Variants in BTC observed in about 807,000 individuals in gnomAD.
The protein encoded by BTC is betacellulin.
BTC carries 13 observed loss-of-function variants against 18.1 expected under a neutral mutation model. The observed-to-expected ratio is 0.72, with a 90% CI of 0.47 to 1.14. The LOEUF (loss-of-function observed/expected upper bound fraction) is 1.14, where lower values mean the gene tolerates loss of function less well. Ranked by LOEUF, BTC falls within the 50% of genes most tolerant of loss-of-function variation. The pLI is 0.00. For missense variants in BTC, 247 were observed against 224.2 expected, an observed-to-expected ratio of 1.10 and a Z score of -0.65; for synonymous variants, 83 against 79.4, an observed-to-expected ratio of 1.05 and a Z score of -0.24.
chr4:74,772,117 A>G (rs1229906768), intron 1 of BTC, among the ~76,000 whole-genome samples: 1 of 152,178 alleles, frequency 6.6e-6, no homozygotes, highest in East Asian at 1.9e-4. Context: ...AAGTGTAAAA[A>G]CCTATCCATA....
chr4:74,792,481 C>T (rs758218877), intron 1 of BTC, among the ~76,000 whole-genome samples: 2 of 151,970 alleles, frequency 1.3e-5, no homozygotes, highest in Admixed American at 6.6e-5. Flanking sequence ...CCCACAGGCG[C>T]CCCCCCTTCC....
intron 1 of BTC, among the ~76,000 whole-genome samples, chr4:74,793,130 T>C (rs775696420): frequency 3.9e-4 from 59 of 152,346 alleles, no homozygotes; most frequent in Non-Finnish European, 5.9e-4. Flanking sequence ...CTCAACCCCA[T>C]TGCTCTTCTT....
intron 1 of BTC, among the ~76,000 whole-genome samples, chr4:74,781,405 G>A (rs1362403830): frequency 6.6e-6 from 1 of 151,888 alleles, no homozygotes; most frequent in Admixed American, 6.6e-5. Flanking sequence ...GTGTGTGTGT[G>A]TGTGTGTGTG....
chr4:74,783,118 T>C (rs1725379993), intron 1 of BTC, among the ~76,000 whole-genome samples: 1 of 152,210 alleles, frequency 6.6e-6, no homozygotes, highest in African/African-American at 2.4e-5. Flanking sequence ...ATACCACTTG[T>C]CAATTTTTGC....
At chr4:74,793,259 G>T (rs973628204) in intron 1 of BTC, among the ~76,000 whole-genome samples, 1 of 152,134 alleles carries the variant, frequency 6.6e-6, no homozygotes, top group African/African-American at 2.4e-5. Context: ...CTCCAAGCAA[G>T]TTCACTGTAC....
At chr4:74,793,866 C>T (rs948331243) in intron 1 of BTC, among the ~76,000 whole-genome samples, 12 of 152,148 alleles carry the variant, frequency 7.9e-5, no homozygotes, top group Non-Finnish European at 1.8e-4. Context: ...TAGTGGGTTT[C>T]CCTGCTCGCC....
At chr4:74,777,973 T>C (rs1212556407) in intron 1 of BTC, among the ~76,000 whole-genome samples, 1 of 151,710 alleles carries the variant, frequency 6.6e-6, no homozygotes, top group Non-Finnish European at 1.5e-5. Context: ...GAATCTTAAA[T>C]ATGCATACTA....
At chr4:74,756,599 A>C (rs1207427396) in intron 2 of BTC, among the ~76,000 whole-genome samples, 3 of 152,316 alleles carry the variant, frequency 2.0e-5, no homozygotes, top group Middle Eastern at 6.8e-3. Flanking sequence ...CACGTTCTTG[A>C]CTGCCACATA....
rs574835170 is a variant in BTC, at chr4:74,772,239, C to A, written c.65-2083G>T. Among the ~76,000 whole-genome samples the A allele has an allele frequency of 2.7e-4, 41 of 152,240 alleles. 1 individual carries two copies. Among genetic ancestry groups the A allele is most frequent in the African/African-American group, 8.2e-4 (34 of 41,534 alleles). On this transcript the variant is annotated intron_variant, in intron 1 of 5. Transcript: ENST00000395743. ...TAATATTTCTAAAAGCACATTTTAT[C>A]TGTTGCAACAAGAAAAAAGGAGTGA...
In BTC at chr4:74,781,592, G is replaced by T. The variant is rs939986228; in HGVS notation, c.65-11436C>A. ...CATCTAAAATCCACCCCCATTGTTG[G>T]CTTCCTGGCTTATTCTCTCCTTTTT... On this transcript the variant is annotated intron_variant, in intron 1 of 5. Transcript: ENST00000395743. Among the ~76,000 whole-genome samples, 3 of 151,822 alleles carry T rather than the reference G, an allele frequency of 2.0e-5. No individual in the cohort carries two copies. In the South Asian group the frequency reaches 6.2e-4, roughly 32 times the overall value.
chr4:74,758,159 G>GTCTAATGCAGT (rs1724653321), intron 2 of BTC, among the ~76,000 whole-genome samples: 1 of 152,180 alleles, frequency 6.6e-6, no homozygotes, highest in South Asian at 2.1e-4. Context: ...TCTAATGCAG[G>GTCTAATGCAGT]CAGTGGGAGG....
chr4:74,777,810 T>C (rs1222373923), intron 1 of BTC, among the ~76,000 whole-genome samples: 1 of 151,886 alleles, frequency 6.6e-6, no homozygotes, highest in East Asian at 1.9e-4. Flanking sequence ...AGTCAGATCA[T>C]AGTAATAACT....
At position 74,750,576 on chromosome 4, in the gene BTC, C is replaced by G. The variant is rs371777921; in HGVS notation, c.425G>C (p.Cys142Ser). ...AATTAAGTTTAAAAATACTTACTGA[C>G]AGCATGTGCAGACACCGATGACCAA... ...IILVIGVCTC[C>S]HPLRKRRKRK... Residue 142 changes from cysteine to serine, a missense_variant, in exon 4 of 6, where the codon TGT becomes TCT. Physicochemically the swap from Cys to Ser is moderately radical, Grantham distance 112. Coordinates refer to ENST00000395743, the MANE Select transcript of BTC (RefSeq NM_001729.4). 6.2e-7 allele frequency: 1 copy of G among 1,606,888 alleles called. No individual in the cohort carries two copies. The highest frequency in any genetic ancestry group is 1.1e-5 in the South Asian group (1 of 89,130).
Position 74,770,058 on chromosome 4 carries a change from C to T in BTC, c.163G>A (p.Ala55Thr). The T allele has an allele frequency of 6.2e-7, 1 of 1,603,432 alleles. No homozygotes were observed. Among genetic ancestry groups the T allele is most frequent in the Non-Finnish European group, 8.5e-7 (1 of 1,176,046 alleles). ...LCGDPEENCA[A>T]TTTQSKRKGH... is the part of the protein sequence containing the mutation. ...GAATATAAAACTTGTTAAACTTTAC[C>T]TGCACAGTTTTCCTCAGGGTCTCCA... Residue 55 changes from alanine to threonine, a missense_variant and splice_region_variant, in exon 2 of 6, where the codon GCT becomes ACT. Ala to Thr is a moderately conservative substitution (Grantham distance 58). Coordinates refer to ENST00000395743, the MANE Select transcript of BTC (RefSeq NM_001729.4).
chr4:74,757,328 CAG>C (rs1724627322), intron 2 of BTC, among the ~76,000 whole-genome samples: 1 of 152,194 alleles, frequency 6.6e-6, no homozygotes, highest in Non-Finnish European at 1.5e-5. Flanking sequence ...GGTCACAGTG[CAG>C]AGTTTCAGGG....
intron 2 of BTC, among the ~76,000 whole-genome samples, chr4:74,761,838 A>G (rs144255607): frequency 6.6e-6 from 1 of 152,226 alleles, no homozygotes; most frequent in Non-Finnish European, 1.5e-5. Context: ...CCACTTGACT[A>G]TCAAGTCTGC....
chr4:74,780,178 T>C (rs903391214), intron 1 of BTC, among the ~76,000 whole-genome samples: 1 of 152,180 alleles, frequency 6.6e-6, no homozygotes, highest in African/African-American at 2.4e-5. Context: ...TTGTGTGGCC[T>C]ATGAAAAGAA....
chr4:74,775,450 T>G (rs1725151325), intron 1 of BTC, among the ~76,000 whole-genome samples: 2 of 152,058 alleles, frequency 1.3e-5, no homozygotes, highest in African/African-American at 4.8e-5. Context: ...AGATTTCCAC[T>G]CAAAAAGATC....
chr4:74,749,260 C>T (rs1332000214), intron 4 of BTC, among the ~76,000 whole-genome samples: 1 of 152,000 alleles, frequency 6.6e-6, no homozygotes, highest in Non-Finnish European at 1.5e-5. Context: ...AACCCCATCT[C>T]TACTACAACT....
Sources: gnomAD v4.1 joint callset for allele counts (sites outside exome capture counted in the v4.1 genomes callset) on GRCh38, gnomAD v4.1.1 for gene constraint, MANE v1.5 for transcripts, NCBI Gene and HGNC (gene_info 2026-07-23, HGNC 2026-07-21) for gene names.